Variants in NBR1 observed in about 807,000 individuals in gnomAD.
NBR1 encodes the protein next to BRCA1 gene 1 protein.
NBR1 carries 59 observed loss-of-function variants against 115.5 expected under a neutral mutation model. The ratio of observed to expected loss-of-function variants is 0.51; its 90% CI spans 0.41 to 0.63. The LOEUF (loss-of-function observed/expected upper bound fraction) is 0.63. Among genes scored for constraint, NBR1 ranks in the 30% least tolerant of loss-of-function variants. The pLI, the probability that NBR1 is intolerant of heterozygous loss-of-function variation, is 0.00. For synonymous variants in NBR1, 373 were observed against 414.7 expected (o/e 0.90, Z 1.22); for missense variants, 1,043 against 1,150.5 (o/e 0.91, Z 1.35).
intron 16 of NBR1, among the ~76,000 whole-genome samples, chr17:43,199,502 G>A (rs2057146371): frequency 6.6e-6 from 1 of 151,922 alleles, no homozygotes. Flanking sequence ...AGCCTCCCGA[G>A]TAGCTGGCAC....
At chr17:43,200,867 G>GGT (rs1555612327) in intron 17 of NBR1, among the ~76,000 whole-genome samples, 3 of 123,648 alleles carry the variant, frequency 2.4e-5, no homozygotes, top group African/African-American at 9.2e-5. Context: ...AGCTGGTTGT[G>GGT]TTTTTTTTTT....
At chr17:43,181,904 A>C (rs1218641427) in intron 5 of NBR1, among the ~76,000 whole-genome samples, 9 of 149,444 alleles carry the variant, frequency 6.0e-5, no homozygotes, top group Non-Finnish European at 1.3e-4. Flanking sequence ...GAATCATTTG[A>C]ACCTGGGAGG....
chr17:43,197,156 G>T, intron 16 of NBR1, 50 bp downstream of exon 16: 2 of 1,537,264 alleles, frequency 1.3e-6, no homozygotes, highest in African/African-American at 2.7e-5. Flanking sequence ...CCTGAATTGT[G>T]ACTGCCAGAC....
At chr17:43,194,876 C>A (rs763445055) in intron 13 of NBR1, 88 bp from the exon 14 acceptor site, 1 of 964,342 alleles carries the variant, frequency 1.0e-6, no homozygotes, top group Non-Finnish European at 1.6e-6. Context: ...GAGTTGAATA[C>A]GAAATGATGT....
chr17:43,193,046 G>A, intron 10 of NBR1, 48 bp from the exon 11 acceptor site: 1 of 1,589,850 alleles, frequency 6.3e-7, no homozygotes, highest in South Asian at 1.1e-5. Context: ...GTATTCAGAA[G>A]CCTTCACACC....
In NBR1 at chr17:43,201,681, G is replaced by C; in HGVS notation, c.2469-5G>C. On this transcript the variant is annotated splice_region_variant and splice_polypyrimidine_tract_variant and intron_variant, in intron 17 of 20. Transcript: ENST00000590996. The stretch of plus-strand genomic sequence containing the variant: ...TTTACTTTCCATATTGTGTCTTTCT[G>C]AAAGGAGCTCTCCTTGTGTACATCA... 1 of 1,570,238 alleles carries C rather than the reference G, an allele frequency of 6.4e-7. No individual in the cohort carries two copies. Among genetic ancestry groups the C allele is most frequent in the Non-Finnish European group, 8.8e-7 (1 of 1,140,334 alleles).
chr17:43,179,894 T>C (rs1186856907), intron 4 of NBR1, among the ~76,000 whole-genome samples: 1 of 145,278 alleles, frequency 6.9e-6, no homozygotes, highest in African/African-American at 2.5e-5. Context: ...AGTATTAACA[T>C]TGAACTCTCA....
chr17:43,179,302 T>A, intron 3 of NBR1, 92 bp from the exon 4 acceptor site: 1 of 1,196,800 alleles, frequency 8.4e-7, no homozygotes, highest in Non-Finnish European at 1.2e-6. Context: ...TTGGCCTGAG[T>A]TTTTGTCTGT....
intron 20 of NBR1, among the ~76,000 whole-genome samples, chr17:43,207,129 C>T (rs986066850): frequency 6.6e-6 from 1 of 152,102 alleles, no homozygotes; most frequent in Non-Finnish European, 1.5e-5. Context: ...TCATTAAGAG[C>T]AGAAGAAGAG....
chr17:43,200,867 G>A (rs1224891112), intron 17 of NBR1, among the ~76,000 whole-genome samples: 1 of 123,648 alleles, frequency 8.1e-6, no homozygotes, highest in Non-Finnish European at 1.7e-5. Flanking sequence ...AGCTGGTTGT[G>A]TTTTTTTTTT....
At chr17:43,209,645 T>G (rs1427561682) in intron 20 of NBR1, 8 of 1,535,396 alleles carry the variant, frequency 5.2e-6, no homozygotes, top group African/African-American at 1.4e-5. Flanking sequence ...TGGTTCTAAG[T>G]ACAGTTCATT....
At chr17:43,190,095 T>C in intron 8 of NBR1, 14 of 166,972 alleles carry the variant, frequency 8.4e-5, no homozygotes, top group Middle Eastern at 2.6e-3. Flanking sequence ...CCAAATGCCT[T>C]TTTTTTTTTT....
chr17:43,180,700 G>T, intron 4 of NBR1, 95 bp from the exon 5 acceptor site: 1 of 1,255,934 alleles, frequency 8.0e-7, no homozygotes, highest in Non-Finnish European at 1.0e-6. Context: ...TTGAATGAAT[G>T]AATGGATGTG....
At chr17:43,186,627 AT>A (rs2056809300) in intron 6 of NBR1, among the ~76,000 whole-genome samples, 183 bp downstream of exon 6, 1 of 152,010 alleles carries the variant, frequency 6.6e-6, no homozygotes. Flanking sequence ...CCATCAACCT[AT>A]CATCTACCTT....
chr17:43,202,788 C>T (rs1444272693), intron 19 of NBR1, 76 bp downstream of exon 19: 4 of 1,167,434 alleles, frequency 3.4e-6, no homozygotes, highest in Non-Finnish European at 5.0e-6. Context: ...AAGAGCCTCT[C>T]ACAGTATGTA....
Position 43,201,702 on chromosome 17 carries a change from C to T in NBR1, c.2485C>T (p.His829Tyr). 1 of 1,604,242 alleles carries T rather than the reference C, an allele frequency of 6.2e-7. No individual in the cohort carries two copies. The highest frequency in any genetic ancestry group is 8.5e-7 in the Non-Finnish European group (1 of 1,171,078). Reference sequence around the variant, plus strand: ...TTCTGAAAGGAGCTCTCCTTGTGTACATCATCATGGTTCCCCAGGAGTGGA... The same window carrying T: ...TTCTGAAAGGAGCTCTCCTTGTGTATATCATCATGGTTCCCCAGGAGTGGA... ...PSLPRSSPCV[H>Y]HHGSPGVDLP... The change falls in exon 18 of 21, where the codon CAT becomes TAT. Residue 829 changes from histidine (H) to tyrosine (Y), a missense_variant. Physicochemically the swap from His to Tyr is moderately conservative, Grantham distance 83 (BLOSUM62 2). Coordinates refer to ENST00000590996, the MANE Select transcript of NBR1 (RefSeq NM_005899.5).
chr17:43,199,935 C>A (rs2057157713), intron 16 of NBR1, among the ~76,000 whole-genome samples: 1 of 152,096 alleles, frequency 6.6e-6, no homozygotes, highest in Admixed American at 6.5e-5. Context: ...TTCTTGGAAA[C>A]CTGAGTGTTT....
Position 43,177,800 on chromosome 17 carries a change from G to T in NBR1, c.103-136G>T, listed in dbSNP as rs180848025. On this transcript the variant is annotated intron_variant, in intron 2 of 20. Transcript: ENST00000590996. ...CATTAGCAGTTTTGCTGGTACTCTG[G>T]GTGTGTTGCAGATATTAACCCTTTG... 356 of 623,762 alleles carry T rather than the reference G, an allele frequency of 5.7e-4. 4 individuals are homozygous for T. The African/African-American group carries it at 5.9e-3, about 10-fold the overall frequency. The allele number at this position is 623,762 out of a possible 1,614,324, so 38.6% of individuals were successfully genotyped here.
rs551016888 is a variant in NBR1 at position 43,187,693 on chromosome 17, A to T, written c.402+1249A>T. 3.2e-4 allele frequency among the ~76,000 whole-genome samples: 48 copies of T among 149,390 alleles called. No homozygotes were observed. The South Asian group carries it at 6.4e-3, about 20-fold the overall frequency. The stretch of plus-strand genomic sequence containing the variant: ...CTGGCTAATTTTTTGTATTTTTAGC[A>T]GTGACAGGGTTTCAGTATGTTGGTG... On this transcript the variant is annotated intron_variant, in intron 6 of 20. Coordinates refer to ENST00000590996, the MANE Select transcript of NBR1 (RefSeq NM_005899.5).
Sources: gnomAD v4.1 joint callset for allele counts (sites outside exome capture counted in the v4.1 genomes callset) on GRCh38, gnomAD v4.1.1 for gene constraint, MANE v1.5 for transcripts, NCBI Gene and HGNC (gene_info 2026-07-23, HGNC 2026-07-21) for gene names.